CSMD1: variants seen among roughly 807,000 people sequenced by gnomAD.
The protein encoded by CSMD1 is CUB and Sushi multiple domains 1, also known as CUB and sushi domain-containing protein 1.
In CSMD1, 213 loss-of-function variants were observed where a neutral mutation model predicts 417.5. The ratio of observed to expected loss-of-function variants is 0.51; its 90% CI spans 0.46 to 0.57. The LOEUF is 0.57. CSMD1 is among the 20% of genes least tolerant of loss of function. The pLI, the probability that CSMD1 is intolerant of heterozygous loss-of-function variation, is 0.00. For synonymous variants in CSMD1, 2,862 were observed against 1,736.8 expected (o/e 1.65, Z -16.11); for missense variants, 6,923 against 4,529.7 (o/e 1.53, Z -15.17).
At chr8:4,595,800 C>A (rs1455425071) in intron 2 of CSMD1, among the ~76,000 whole-genome samples, 1 of 152,146 alleles carries the variant, frequency 6.6e-6, no homozygotes, top group Non-Finnish European at 1.5e-5. Context: ...ATTTCAGCAC[C>A]TTTTTCTCTC....
chr8:4,966,227 A>AAAAG (rs1554534348), intron 1 of CSMD1, among the ~76,000 whole-genome samples: 5 of 150,662 alleles, frequency 3.3e-5, no homozygotes, highest in African/African-American at 1.2e-4. Context: ...AAAAAAAAAA[A>AAAAG]AATTAGCTGG....
intron 5 of CSMD1, among the ~76,000 whole-genome samples, chr8:3,936,094 G>A (rs891365027): frequency 7.9e-5 from 12 of 151,644 alleles, no homozygotes; most frequent in African/African-American, 1.5e-4. Context: ...ATTTTCTTAA[G>A]CCAAAGCCTA....
At chr8:2,976,879 G>T in intron 55 of CSMD1, among the ~76,000 whole-genome samples, 1 of 151,588 alleles carries the variant, frequency 6.6e-6, no homozygotes, top group East Asian at 1.9e-4. Flanking sequence ...ATATATTCTT[G>T]CTAATCTTCA....
At chr8:4,192,270 C>T (rs1584994658) in intron 3 of CSMD1, among the ~76,000 whole-genome samples, 1 of 152,126 alleles carries the variant, frequency 6.6e-6, no homozygotes, top group Non-Finnish European at 1.5e-5. Context: ...AGATGACTGT[C>T]TAGATAATAA....
intron 2 of CSMD1, among the ~76,000 whole-genome samples, chr8:4,500,075 A>AGAG (rs71207095): frequency 0.8 from 120,342 of 150,312 alleles, 48,178 homozygotes; most frequent in Admixed American, 0.85. Context: ...ATGTGTCTGA[A>AGAG]GAGAAGTTAT....
intron 5 of CSMD1, among the ~76,000 whole-genome samples, chr8:3,958,444 A>T (rs987046224): frequency 2.6e-5 from 4 of 152,086 alleles, no homozygotes; most frequent in African/African-American, 4.8e-5. Flanking sequence ...CGTTTTTGAA[A>T]TATTTGTTTT....
At chr8:4,643,287 C>T (rs997555890) in intron 1 of CSMD1, among the ~76,000 whole-genome samples, 4 of 152,208 alleles carry the variant, frequency 2.6e-5, no homozygotes, top group Non-Finnish European at 5.9e-5. Context: ...CCTTTTACTA[C>T]ATCTATTTTG....
rs1804144719 is a variant in CSMD1, at chr8:4,146,593, CATTT to C, written c.416-114498_416-114495del. On this transcript the variant is annotated intron_variant, in intron 3 of 69. Transcript: ENST00000635120. ...ATCTGTCTAAATGTTTATATGGACA[CATTT>C]TTTTTTTTTTTTTTTTTTTTTTTTT... Among the ~76,000 whole-genome samples the C allele has an allele frequency of 8.4e-4, 76 of 90,748 alleles. 5 individuals are homozygous for C. Among genetic ancestry groups the C allele is most frequent in the Admixed American group, 1.3e-3 (9 of 6,792 alleles). 59.5% of individuals were successfully genotyped at this position (90,748 alleles called of 152,430 possible). A position where few individuals can be genotyped will look rare whatever the true frequency, so the allele number is the denominator to read the frequency against.
intron 10 of CSMD1, among the ~76,000 whole-genome samples, chr8:3,543,699 A>G (rs985425580): frequency 2.6e-5 from 4 of 151,964 alleles, no homozygotes; most frequent in Non-Finnish European, 5.9e-5. Flanking sequence ...CAGGTTTTGT[A>G]GAGGAGACCC....
At position 3,108,751 on chromosome 8, in the gene CSMD1, A is replaced by C; in HGVS notation, c.6609-3T>G. 1 of 1,605,748 alleles carries C rather than the reference A, an allele frequency of 6.2e-7. No individual in the cohort carries two copies. The highest frequency in any genetic ancestry group is 8.5e-7 in the Non-Finnish European group (1 of 1,175,300). On this transcript the variant is annotated splice_region_variant and splice_polypyrimidine_tract_variant and intron_variant, in intron 43 of 69. Transcript: ENST00000635120. The stretch of plus-strand genomic sequence containing the variant: ...GTGAGTTCTGATCGGGACCGTCCCT[A>C]GGAAAGACAGAAAGAGGTGGCTGGC...
chr8:4,585,772 T>C (rs1162078094), intron 2 of CSMD1, among the ~76,000 whole-genome samples: 1 of 152,180 alleles, frequency 6.6e-6, no homozygotes, highest in Non-Finnish European at 1.5e-5. Context: ...AACTATCCTA[T>C]AGAAATTGAA....
At chr8:4,240,207 C>A (rs144046914) in intron 3 of CSMD1, among the ~76,000 whole-genome samples, 2 of 152,238 alleles carry the variant, frequency 1.3e-5, no homozygotes, top group African/African-American at 4.8e-5. Context: ...GTGATTTTGA[C>A]AACCGGCTGC....
intron 6 of CSMD1, among the ~76,000 whole-genome samples, chr8:3,732,661 A>G (rs1043063573): frequency 1.3e-5 from 2 of 152,140 alleles, no homozygotes; most frequent in African/African-American, 4.8e-5. Flanking sequence ...ACAGAGTTCA[A>G]TCCTAAATTG....
chr8:4,699,387 T>A (rs1274961620), intron 1 of CSMD1, among the ~76,000 whole-genome samples: 1 of 152,164 alleles, frequency 6.6e-6, no homozygotes, highest in Non-Finnish European at 1.5e-5. Flanking sequence ...ACTCACACCT[T>A]GTACTGATCA....
intron 7 of CSMD1, among the ~76,000 whole-genome samples, chr8:3,693,772 A>C (rs147877382): frequency 1.3e-5 from 2 of 151,400 alleles, no homozygotes; most frequent in Non-Finnish European, 2.9e-5. Context: ...TTTTGTGTGT[A>C]TTGAATATAG....
rs1003566292 is a variant in CSMD1, at chr8:3,385,480, T to C, written c.2782+2014A>G. Among the ~76,000 whole-genome samples, 108 of 152,022 alleles carry C rather than the reference T, an allele frequency of 7.1e-4. 1 individual carries two copies. Among genetic ancestry groups the C allele is most frequent in the African/African-American group, 2.5e-3 (102 of 41,446 alleles). ...CTAAAAGTCAACTATCTTCTCTTTA[T>C]AATATTTCTAATTCATATCATTTTC... On this transcript the variant is annotated intron_variant, in intron 18 of 69. Coordinates refer to ENST00000635120, the MANE Select transcript of CSMD1 (RefSeq NM_033225.6).
chr8:4,037,343 T>G (rs1474355482), intron 3 of CSMD1, among the ~76,000 whole-genome samples: 4 of 152,196 alleles, frequency 2.6e-5, no homozygotes, highest in African/African-American at 7.2e-5. Flanking sequence ...TACCAAGCAC[T>G]TGAAGTGAGC....
At chr8:4,139,123 T>C (rs922415324) in intron 3 of CSMD1, among the ~76,000 whole-genome samples, 27 of 152,182 alleles carry the variant, frequency 1.8e-4, no homozygotes, top group African/African-American at 6.5e-4. Flanking sequence ...ACCCCTGTGA[T>C]TCTAATCCTG....
At position 3,460,735 on chromosome 8, in the gene CSMD1, A is replaced by G. The variant is rs551849251; in HGVS notation, c.1561+7977T>C. ...AAGAAGAAATAACACAAAAACAATA[A>G]TTATAAATCTGTTGTCCAAATTCTC... On this transcript the variant is annotated intron_variant, in intron 12 of 69. Coordinates refer to ENST00000635120, the MANE Select transcript of CSMD1 (RefSeq NM_033225.6). Among the ~76,000 whole-genome samples the G allele has an allele frequency of 4.1e-4, 62 of 152,320 alleles. No individual in the cohort carries two copies. In the South Asian group the frequency reaches 0.013, roughly 32 times the overall value.
Sources: allele counts gnomAD v4.1 joint callset (sites outside exome capture counted in the v4.1 genomes callset), GRCh38; gene constraint gnomAD v4.1.1; transcripts MANE v1.5; gene names NCBI Gene and HGNC (gene_info 2026-07-23, HGNC 2026-07-21).